TMEM236: variants seen among roughly 807,000 people sequenced by gnomAD.
TMEM236 encodes the protein family with sequence similarity 23, member A.
A neutral mutation model predicts 14.7 loss-of-function variants in TMEM236; 11 were observed. That is an observed-to-expected ratio of 0.75 (90% CI 0.47 to 1.24). TMEM236 has a LOEUF of 1.24. Ranked by LOEUF, TMEM236 falls within the 50% of genes most tolerant of loss-of-function variation. The pLI is 0.00. For synonymous variants in TMEM236, 182 were observed against 168.6 expected, an observed-to-expected ratio of 1.08 and a Z score of -0.62; for missense variants, 464 against 427.3, an observed-to-expected ratio of 1.09 and a Z score of -0.76.
chr10:17,793,373 C>T (rs1837959021), intron 3 of TMEM236, among the ~76,000 whole-genome samples: 1 of 152,156 alleles, frequency 6.6e-6, no homozygotes, highest in African/African-American at 2.4e-5. Flanking sequence ...TTGACAAAGC[C>T]ATTGGGATTT....
chr10:17,752,433 C>T lies in TMEM236; in HGVS notation c.138C>T (p.His46=). 1.2e-6 allele frequency: 2 copies of T among 1,613,998 alleles called. No individual in the cohort carries two copies. Among genetic ancestry groups the T allele is most frequent in the South Asian group, 2.2e-5 (2 of 91,078 alleles). Residue 46 remains histidine, a synonymous_variant, in exon 1 of 4, where the codon CAC becomes CAT. Coordinates refer to ENST00000377495, the MANE Select transcript of TMEM236 (RefSeq NM_001098844.3). ...CAAGGGCTAGATCTGACAACACACA[C>T]TACTGGCTGATCATCTCCTGTTCTA... ...QGTRARSDNT[H]YWLIISCSIA...
At chr10:17,761,194 G>T (rs2131742006) in intron 1 of TMEM236, among the ~76,000 whole-genome samples, 1 of 152,108 alleles carries the variant, frequency 6.6e-6, no homozygotes, top group South Asian at 2.1e-4. Context: ...TTTCTGACGT[G>T]GTCCCCCAAA....
At chr10:17,756,722 T>C (rs1273661885) in intron 1 of TMEM236, among the ~76,000 whole-genome samples, 4 of 152,204 alleles carry the variant, frequency 2.6e-5, no homozygotes, top group African/African-American at 9.6e-5. Context: ...TGGACCTAGG[T>C]CTACCTGACT....
In TMEM236 at chr10:17,776,046, T is replaced by C. The variant is rs1327155716; in HGVS notation, c.348T>C (p.Asn116=). Residue 116 remains asparagine (N), a synonymous_variant, in exon 3 of 4, where the codon AAT becomes AAC. Coordinates refer to ENST00000377495, the MANE Select transcript of TMEM236 (RefSeq NM_001098844.3). Reference sequence around the variant, plus strand: ...CTAAACAGGTTCAAAAGAGCATTAATGGGTCCGCTGATGTCTTACCTGATA... The same window carrying C: ...CTAAACAGGTTCAAAAGAGCATTAACGGGTCCGCTGATGTCTTACCTGATA... The part of the protein sequence containing the change: ...IAVTEVQKSI[N]GSADVLPDML... The C allele has an allele frequency of 3.1e-6, 5 of 1,613,762 alleles. No individual in the cohort carries two copies. Among genetic ancestry groups the C allele is most frequent in the Admixed American group, 3.3e-5 (2 of 59,992 alleles).
chr10:17,775,914 A>T, intron 2 of TMEM236, 115 bp from the exon 3 acceptor site: 1 of 1,352,954 alleles, frequency 7.4e-7, no homozygotes, highest in Non-Finnish European at 1.0e-6. Context: ...CCAACCTTCT[A>T]GTTTTTTAGT....
At chr10:17,775,132 C>T (rs1048459314) in intron 2 of TMEM236, among the ~76,000 whole-genome samples, 3 of 152,146 alleles carry the variant, frequency 2.0e-5, no homozygotes, top group Non-Finnish European at 4.4e-5. Flanking sequence ...TGGCGCATTA[C>T]CCTGGCTAAG....
At chr10:17,767,662 T>C (rs1030318593) in intron 1 of TMEM236, among the ~76,000 whole-genome samples, 13,611 of 152,200 alleles carry the variant, frequency 0.089, 771 homozygotes, top group Non-Finnish European at 0.13. Flanking sequence ...TGAGAAACAA[T>C]TTACATTGTT....
chr10:17,765,994 G>C (rs1378238200), intron 1 of TMEM236, among the ~76,000 whole-genome samples: 1 of 152,156 alleles, frequency 6.6e-6, no homozygotes, highest in Non-Finnish European at 1.5e-5. Flanking sequence ...GCAACCTTCA[G>C]TCCAAGACAG....
rs879046672 is a variant in TMEM236 at position 17,757,839 on chromosome 10, G to A, written c.257+5287G>A. 7.7e-3 allele frequency among the ~76,000 whole-genome samples: 1,173 copies of A among 152,038 alleles called. 14 individuals carry two copies. Among genetic ancestry groups the A allele is most frequent in the African/African-American group, 0.027 (1,129 of 41,456 alleles). On this transcript the variant is annotated intron_variant, in intron 1 of 3. Coordinates refer to ENST00000377495, the MANE Select transcript of TMEM236 (RefSeq NM_001098844.3). Reference sequence around the variant, plus strand: ...GCTAGAATGCAGTGGCATGATATCCGCTCACTGCAACCTCCACCTCTGGGG... The same window carrying A: ...GCTAGAATGCAGTGGCATGATATCCACTCACTGCAACCTCCACCTCTGGGG...
At chr10:17,760,963 A>G (rs1837352893) in intron 1 of TMEM236, among the ~76,000 whole-genome samples, 1 of 152,198 alleles carries the variant, frequency 6.6e-6, no homozygotes, top group African/African-American at 2.4e-5. Flanking sequence ...TCTGGGAGCT[A>G]CAATTCAAGA....
intron 3 of TMEM236, among the ~76,000 whole-genome samples, chr10:17,783,138 G>T (rs1315999875): frequency 6.6e-6 from 1 of 152,176 alleles, no homozygotes; most frequent in African/African-American, 2.4e-5. Flanking sequence ...CTCTGGATGG[G>T]AGCCGAATGA....
intron 3 of TMEM236, among the ~76,000 whole-genome samples, chr10:17,787,561 T>C (rs902302151): frequency 6.6e-6 from 1 of 152,224 alleles, no homozygotes; most frequent in East Asian, 1.9e-4. Flanking sequence ...TGCAGGTTTT[T>C]TCCCCAGAAT....
In TMEM236 at chr10:17,752,549, G is replaced by A; in HGVS notation, c.254G>A (p.Gly85Glu). ...KKRYIYRKIK[G>E]WRPVLMMCVV... ...CGTTATATTTACAGAAAAATTAAAG[G>A]ATGGTAAGTAAAAGAATTTTCTTTT... The change falls in exon 1 of 4, where the codon GGA becomes GAA. Residue 85 changes from glycine (G) to glutamate (E), a missense_variant. Gly to Glu is a moderately conservative substitution (Grantham distance 98, BLOSUM62 -2). Coordinates refer to ENST00000377495, the MANE Select transcript of TMEM236 (RefSeq NM_001098844.3). 1.9e-6 allele frequency: 3 copies of A among 1,613,490 alleles called. No individual in the cohort carries two copies. Among genetic ancestry groups the A allele is most frequent in the Non-Finnish European group, 2.5e-6 (3 of 1,179,538 alleles).
intron 1 of TMEM236, among the ~76,000 whole-genome samples, chr10:17,763,845 G>T (rs1837416340): frequency 6.6e-6 from 1 of 152,164 alleles, no homozygotes; most frequent in Non-Finnish European, 1.5e-5. Context: ...ACCTGGATTA[G>T]AATTCATCTT....
intron 1 of TMEM236, among the ~76,000 whole-genome samples, chr10:17,760,040 C>T (rs1438126074): frequency 6.7e-6 from 1 of 148,980 alleles, no homozygotes; most frequent in Non-Finnish European, 1.5e-5. Flanking sequence ...TTGAGCACCT[C>T]ACTGCTCCGC....
chr10:17,798,910 A>G lies in TMEM236; in HGVS notation c.*2406A>G. On this transcript the variant is annotated 3_prime_UTR_variant, in exon 4 of 4. Coordinates refer to ENST00000377495, the MANE Select transcript of TMEM236 (RefSeq NM_001098844.3). ...CAAGTATCTCAATGCAGTTTTAGAA[A>G]TTTCCTGTTTTATTCTTTTCTGTGG... 1 of 340,762 alleles carries G rather than the reference A, an allele frequency of 2.9e-6. No homozygotes were observed. Among genetic ancestry groups the G allele is most frequent in the Admixed American group, 4.2e-5 (1 of 23,656 alleles). 21.1% of individuals were successfully genotyped at this position (340,762 alleles called of 1,614,324 possible).
At chr10:17,771,834 T>G (rs1837577903) in intron 2 of TMEM236, among the ~76,000 whole-genome samples, 1 of 152,240 alleles carries the variant, frequency 6.6e-6, no homozygotes. Flanking sequence ...AGTTTATGTT[T>G]TGACTAAATA....
chr10:17,796,104 C>T lies in TMEM236; in HGVS notation c.656C>T (p.Ser219Phe), dbSNP rs1838009511. The T allele has an allele frequency of 9.3e-6, 15 of 1,613,746 alleles. No individual in the cohort carries two copies. Among genetic ancestry groups the T allele is most frequent in the African/African-American group, 1.3e-5 (1 of 74,878 alleles). ...ESVFMGPQEP[S>F]CDSGILRMMS... ...GTGTTCATGGGACCCCAGGAGCCCT[C>T]CTGTGACTCCGGAATCCTGAGAATG... Residue 219 changes from serine to phenylalanine, a missense_variant, in exon 4 of 4, where the codon TCC becomes TTC. By Grantham distance (155) the Ser-to-Phe change is radical. Coordinates refer to ENST00000377495, the MANE Select transcript of TMEM236 (RefSeq NM_001098844.3).
chr10:17,759,982 CAA>C (rs35596189), intron 1 of TMEM236, among the ~76,000 whole-genome samples: 6,325 of 53,638 alleles, frequency 0.12, 10 homozygotes, highest in Non-Finnish European at 0.13. Flanking sequence ...GACTCCGTCT[CAA>C]AAAAAAAAAA....
Sources: gnomAD v4.1 joint callset for allele counts (sites outside exome capture counted in the v4.1 genomes callset) on GRCh38, gnomAD v4.1.1 for gene constraint, MANE v1.5 for transcripts, NCBI Gene and HGNC (gene_info 2026-07-23, HGNC 2026-07-21) for gene names.